The following CTDSPL2 variants were observed in gnomAD, a reference collection of about 807,000 sequenced individuals.
CTDSPL2 encodes CTD small phosphatase like 2.
A neutral mutation model predicts 60.0 loss-of-function variants in CTDSPL2; 5 were observed. The observed-to-expected ratio is 0.08, with a 90% CI of 0.04 to 0.18. The LOEUF (loss-of-function observed/expected upper bound fraction) is 0.18. Among genes scored for constraint, CTDSPL2 ranks in the 10% least tolerant of loss-of-function variants. The probability of loss-of-function intolerance (pLI) is 1.00; values close to 1 mark genes in which losing one functional copy is unlikely to be tolerated. For synonymous variants in CTDSPL2, 186 were observed against 189.3 expected (o/e 0.98, Z 0.14); for missense variants, 370 against 548.8 (o/e 0.67, Z 3.26).
chr15:44,457,529 T>C (rs1158539644), intron 1 of CTDSPL2, among the ~76,000 whole-genome samples: 2 of 149,602 alleles, frequency 1.3e-5, no homozygotes, highest in Non-Finnish European at 3.0e-5. Flanking sequence ...ACCAAAACTC[T>C]CCATGTCAGC....
intron 1 of CTDSPL2, among the ~76,000 whole-genome samples, chr15:44,443,029 C>T (rs941307127): frequency 2.0e-5 from 3 of 151,846 alleles, no homozygotes; most frequent in African/African-American, 7.3e-5. Flanking sequence ...ATCTCTTACT[C>T]TTTTGGAAAC....
intron 1 of CTDSPL2, among the ~76,000 whole-genome samples, chr15:44,444,355 A>T (rs2080158258): frequency 6.7e-6 from 1 of 149,548 alleles, no homozygotes; most frequent in Non-Finnish European, 1.5e-5. Context: ...ACAGAGACAC[A>T]TTTTTTTGAG....
chr15:44,433,385 C>T (rs939863484), intron 1 of CTDSPL2, among the ~76,000 whole-genome samples: 2 of 146,502 alleles, frequency 1.4e-5, no homozygotes, highest in African/African-American at 5.1e-5. Context: ...ACTAGTAGAA[C>T]ATACTTGGGA....
chr15:44,448,235 G>T, intron 1 of CTDSPL2: 1 of 300,478 alleles, frequency 3.3e-6, no homozygotes, highest in Non-Finnish European at 6.7e-6. Flanking sequence ...ATGTGCTCCA[G>T]GCCGGAGCCA....
At position 44,460,359 on chromosome 15, in the gene CTDSPL2, C is replaced by T. The variant is rs181354004; in HGVS notation, c.186+1159C>T. Among the ~76,000 whole-genome samples the T allele has an allele frequency of 2.4e-4, 36 of 152,272 alleles. No individual in the cohort carries two copies. The Middle Eastern group carries it at 0.017, about 72-fold the overall frequency. Reference sequence around the variant, plus strand: ...TCCTGACCTTGTGATTCGTCCGCCTCGGCCTCCCAAAGTGCTGGGATTATA... The same window carrying T: ...TCCTGACCTTGTGATTCGTCCGCCTTGGCCTCCCAAAGTGCTGGGATTATA... On this transcript the variant is annotated intron_variant, in intron 2 of 12. Transcript: ENST00000260327.
intron 5 of CTDSPL2, 78 bp downstream of exon 5, chr15:44,491,077 T>G (rs2081206122): frequency 2.7e-6 from 3 of 1,118,444 alleles, no homozygotes; most frequent in Non-Finnish European, 4.0e-6. Flanking sequence ...TTTTCTTAAA[T>G]GAGCACATTA....
intron 1 of CTDSPL2, among the ~76,000 whole-genome samples, chr15:44,431,094 TTACAGA>T: frequency 6.6e-6 from 1 of 151,750 alleles, no homozygotes; most frequent in Non-Finnish European, 1.5e-5. Flanking sequence ...AGTGCTGGGA[TTACAGA>T]TGTGAGCCAC....
chr15:44,522,586 C>T (rs2081799968), intron 12 of CTDSPL2, among the ~76,000 whole-genome samples: 1 of 151,974 alleles, frequency 6.6e-6, no homozygotes, highest in African/African-American at 2.4e-5. Context: ...AACCCCATCT[C>T]TACTAAAAAT....
chr15:44,525,394 A>G lies in CTDSPL2; in HGVS notation c.*1220A>G. On this transcript the variant is annotated 3_prime_UTR_variant, in exon 13 of 13. Coordinates refer to ENST00000260327, the MANE Select transcript of CTDSPL2 (RefSeq NM_016396.3). ...CTAATGCAGCTACCACAAGAGGTTG[A>G]TATTTTTATAGTGGCGTGTAATCTC... is the stretch of plus-strand genomic sequence containing the variant. 3 of 398,906 alleles carry G rather than the reference A, an allele frequency of 7.5e-6. No individual in the cohort carries two copies. The highest frequency in any genetic ancestry group is 8.9e-6 in the Non-Finnish European group (2 of 225,964). The allele number at this position is 398,906 out of a possible 1,614,324, so 24.7% of individuals were successfully genotyped here.
At chr15:44,476,424 A>G (rs1219719608) in intron 2 of CTDSPL2, among the ~76,000 whole-genome samples, 3 of 152,228 alleles carry the variant, frequency 2.0e-5, no homozygotes, top group Non-Finnish European at 4.4e-5. Flanking sequence ...AAAACTTAAA[A>G]TTTAGAAGTA....
At position 44,506,412 on chromosome 15, in the gene CTDSPL2, C is replaced by CTTTTTTTTTTTTTTTTTTTTTTTT. The variant is rs764238056; in HGVS notation, c.969+6620_969+6621insTTTTTTTTTTTTTTTTTTTTTTTT. On this transcript the variant is annotated intron_variant, in intron 8 of 12. Transcript: ENST00000260327. ...TAAGCTTCATTTTATCCTACTTTGA[C>CTTTTTTTTTTTTTTTTTTTTTTTT]TTTTTTTTTTTTTTTTTTTTTGGAG... Among the ~76,000 whole-genome samples, 8 of 112,390 alleles carry CTTTTTTTTTTTTTTTTTTTTTTTT rather than the reference C, an allele frequency of 7.1e-5. 1 individual carries two copies. Among genetic ancestry groups the CTTTTTTTTTTTTTTTTTTTTTTTT allele is most frequent in the East Asian group, 6.1e-4 (2 of 3,286 alleles). 73.7% of individuals were successfully genotyped at this position (112,390 alleles called of 152,430 possible).
chr15:44,428,058 CCCACT>C (rs1435535659), intron 1 of CTDSPL2: 1 of 187,846 alleles, frequency 5.3e-6, no homozygotes, highest in Admixed American at 6.2e-5. Context: ...GCTACCCACC[CCCACT>C]CCGATCTCAA....
intron 2 of CTDSPL2, among the ~76,000 whole-genome samples, chr15:44,479,718 T>A (rs2080991208): frequency 6.6e-6 from 1 of 152,152 alleles, no homozygotes; most frequent in Admixed American, 6.6e-5. Flanking sequence ...TTTCTTATTT[T>A]GCCTGATTTT....
intron 2 of CTDSPL2, among the ~76,000 whole-genome samples, chr15:44,465,472 A>C (rs2080666653): frequency 6.6e-6 from 1 of 152,188 alleles, no homozygotes; most frequent in Non-Finnish European, 1.5e-5. Context: ...ACAAAAAGAA[A>C]CACATGGCTA....
intron 1 of CTDSPL2, among the ~76,000 whole-genome samples, chr15:44,455,042 A>G (rs2080405978): frequency 6.6e-6 from 1 of 152,176 alleles, no homozygotes; most frequent in Non-Finnish European, 1.5e-5. Context: ...CACGATATTG[A>G]TTCTTCCTAC....
chr15:44,475,549 G>T (rs1231733067), intron 2 of CTDSPL2, among the ~76,000 whole-genome samples: 6 of 151,364 alleles, frequency 4.0e-5, no homozygotes, highest in Non-Finnish European at 7.4e-5. Context: ...TGAGGCAGGA[G>T]AATCGCTTGA....
At chr15:44,439,159 A>AT (rs1252044994) in intron 1 of CTDSPL2, among the ~76,000 whole-genome samples, 3 of 150,306 alleles carry the variant, frequency 2.0e-5, no homozygotes, top group Non-Finnish European at 3.0e-5. Context: ...TTATTTATTT[A>AT]TTTTTTTAAG....
intron 7 of CTDSPL2, among the ~76,000 whole-genome samples, chr15:44,498,505 G>A (rs904907799): frequency 1.3e-5 from 2 of 152,196 alleles, no homozygotes; most frequent in African/African-American, 2.4e-5. Flanking sequence ...AGGATCCCTT[G>A]AGGCCAGGAG....
At chr15:44,501,974 C>A (rs1189781438) in intron 8 of CTDSPL2, 1 of 455,044 alleles carries the variant, frequency 2.2e-6, no homozygotes, top group South Asian at 1.6e-5. Flanking sequence ...GTGTTGTCTC[C>A]ATCTACTGGC....
Sources: gnomAD v4.1 joint callset for allele counts (sites outside exome capture counted in the v4.1 genomes callset) on GRCh38, gnomAD v4.1.1 for gene constraint, MANE v1.5 for transcripts, NCBI Gene and HGNC (gene_info 2026-07-23, HGNC 2026-07-21) for gene names.